Variants in NEB observed in about 807,000 individuals in gnomAD.
The protein encoded by NEB is nebulin.
A neutral mutation model predicts 952.2 loss-of-function variants in NEB; 512 were observed. The ratio of observed to expected loss-of-function variants is 0.54; its 90% CI spans 0.50 to 0.58. The LOEUF (loss-of-function observed/expected upper bound fraction) is 0.58, where lower values mean the gene tolerates loss of function less well. NEB is among the 20% of genes least tolerant of loss of function. NEB has a pLI of 0.00. For synonymous variants in NEB, 2,900 were observed against 3,149.8 expected, an observed-to-expected ratio of 0.92 and a Z score of 2.66; for missense variants, 8,428 against 9,231.1, an observed-to-expected ratio of 0.91 and a Z score of 3.56.
At chr2:151,665,624 GAA>G in intron 41 of NEB, 85 bp from the exon 42 acceptor site, 3 of 1,186,108 alleles carry the variant, frequency 2.5e-6, no homozygotes, top group Non-Finnish European at 3.4e-6. Flanking sequence ...CAATCAAAAA[GAA>G]AAAGAGAAGC....
At chr2:151,516,634 T>A in intron 156 of NEB, 71 bp from the exon 157 acceptor site, 1 of 998,626 alleles carries the variant, frequency 1.0e-6, no homozygotes, top group South Asian at 1.4e-5. Flanking sequence ...AGGATAGTAT[T>A]TTTTAATTGA....
At chr2:151,574,661 T>C (rs56002721) in intron 107 of NEB, among the ~76,000 whole-genome samples, 46,308 of 152,012 alleles carry the variant, frequency 0.3, 7,289 homozygotes, top group Admixed American at 0.42. Flanking sequence ...CATTTTAATG[T>C]AATGCTGAAT....
intron 170 of NEB, 170 bp downstream of exon 170, chr2:151,498,090 A>G: frequency 6.8e-7 from 1 of 1,472,386 alleles, no homozygotes; most frequent in Non-Finnish European, 9.0e-7. Flanking sequence ...CAGATGAAGT[A>G]AAAAATTGAC....
Position 151,684,956 on chromosome 2 carries a change from T to A in NEB, c.2657A>T (p.Tyr886Phe). 1 of 1,609,094 alleles carries A rather than the reference T, an allele frequency of 6.2e-7. No individual in the cohort carries two copies. ...NQSDREYRKD[Y>F]EKSKTIYTAP... Reference sequence around the variant, plus strand: ...CGTGTAGATAGTTTTTGACTTTTCATAATCTTTTCGATATTCGCGCTGTGA... The same window carrying A: ...CGTGTAGATAGTTTTTGACTTTTCAAAATCTTTTCGATATTCGCGCTGTGA... The change falls in exon 28 of 182, where the codon TAT becomes TTT. Residue 886 changes from tyrosine to phenylalanine, a missense_variant. By Grantham distance (22) the Tyr-to-Phe change is conservative. Transcript: ENST00000397345.
Position 151,672,698 on chromosome 2 carries a change from G to T in NEB, c.3988-18C>A. The T allele has an allele frequency of 6.3e-7, 1 of 1,593,040 alleles. No homozygotes were observed. The highest frequency in any genetic ancestry group is 1.1e-5 in the South Asian group (1 of 89,084). On this transcript the variant is annotated intron_variant, in intron 36 of 181. Coordinates refer to ENST00000397345, the MANE Select transcript of NEB (RefSeq NM_001164508.2). ...TATTTATACTGTGGAGGCAGAATTG[G>T]GTTAGCAAAGTCCTAGGCATTGATA...
intron 119 of NEB, 123 bp from the exon 120 acceptor site, chr2:151,562,931 T>G: frequency 2.6e-6 from 1 of 389,740 alleles, no homozygotes; most frequent in Non-Finnish European, 4.6e-6. Flanking sequence ...GGTTAATATA[T>G]ACTTTATTAT....
intron 133 of NEB, 139 bp downstream of exon 133, chr2:151,547,290 T>C: frequency 1.5e-6 from 1 of 658,196 alleles, no homozygotes; most frequent in Non-Finnish European, 2.6e-6. Flanking sequence ...TCCCACACTG[T>C]CTTACCTCCA....
rs754689425 is a variant in NEB, at chr2:151,723,536, A to C, written c.613-50T>G. The C allele has an allele frequency of 2.3e-6, 3 of 1,294,032 alleles. No homozygotes were observed. The South Asian group carries it at 3.8e-5, about 16-fold the overall frequency. 80.2% of individuals were successfully genotyped at this position (1,294,032 alleles called of 1,614,324 possible). A position where few individuals can be genotyped will look rare whatever the true frequency, so the allele number is the denominator to read the frequency against. ...TAGGAGGAAGTAGGGTCACGTTTAC[A>C]CAAAATACATAGTTTTGAATTCATC... On this transcript the variant is annotated intron_variant, in intron 8 of 181. Transcript: ENST00000397345.
chr2:151,697,562 C>T lies in NEB; in HGVS notation c.1239G>A (p.Leu413=). The part of the protein sequence containing the change: ...ETPKFKLDTV[L]QNFSSDKKYK... ...TGCTTACATCACTACTGAAGTTCTG[C>T]AGAACAGTATCGAGCTTGAATTTGG... Residue 413 remains leucine (L), a synonymous_variant, in exon 14 of 182, where the codon CTG becomes CTA. Coordinates refer to ENST00000397345, the MANE Select transcript of NEB (RefSeq NM_001164508.2). 6.2e-7 allele frequency: 1 copy of T among 1,612,832 alleles called. No homozygotes were observed. Among genetic ancestry groups the T allele is most frequent in the Non-Finnish European group, 8.5e-7 (1 of 1,179,548 alleles).
chr2:151,640,744 T>G lies in NEB; in HGVS notation c.8374-78A>C, dbSNP rs540856259. 556 of 1,429,420 alleles carry G rather than the reference T, an allele frequency of 3.9e-4. 1 individual carries two copies. The highest frequency in any genetic ancestry group is 4.8e-4 in the Non-Finnish European group (517 of 1,067,828). 88.5% of individuals were successfully genotyped at this position (1,429,420 alleles called of 1,614,324 possible). A position where few individuals can be genotyped will look rare whatever the true frequency, so the allele number is the denominator to read the frequency against. On this transcript the variant is annotated intron_variant, in intron 60 of 181. Coordinates refer to ENST00000397345, the MANE Select transcript of NEB (RefSeq NM_001164508.2). ...AATCACTAAGCCTAACTTGCTCTATTTATTAAAAAAAAAATTTTCCCTGAA... is the reference window on the plus strand; with the variant it reads ...AATCACTAAGCCTAACTTGCTCTATGTATTAAAAAAAAAATTTTCCCTGAA...
intron 9 of NEB, 30 bp from the exon 10 acceptor site, chr2:151,717,550 TA>T (rs1289618680): frequency 2.0e-6 from 3 of 1,464,490 alleles, no homozygotes; most frequent in Non-Finnish European, 1.9e-6. Flanking sequence ...GGATGTATTT[TA>T]AAAACGATTA....
intron 166 of NEB, 115 bp downstream of exon 166, chr2:151,503,232 AAC>A (rs1454504654): frequency 1.3e-5 from 10 of 765,660 alleles, no homozygotes; most frequent in East Asian, 7.9e-5. Context: ...AATAATACAC[AAC>A]ACACACAGAC....
At chr2:151,497,525 T>TAAG in intron 171 of NEB, 101 bp downstream of exon 171, 1 of 1,502,388 alleles carries the variant, frequency 6.7e-7, no homozygotes. Flanking sequence ...TCACAAAATT[T>TAAG]AAGTTGTCTT....
rs2099158071 is a variant in NEB at position 151,662,358 on chromosome 2, A to C, written c.5764-17T>G. 6.5e-7 allele frequency: 1 copy of C among 1,532,098 alleles called. No homozygotes were observed. The highest frequency in any genetic ancestry group is 1.3e-5 in the South Asian group (1 of 75,100). 94.9% of individuals were successfully genotyped at this position (1,532,098 alleles called of 1,614,324 possible). ...GTACTGATTCTGCAAAAGAGGAAAA[A>C]TTAAATTATGAGAAGAAACTGGAAC... is the stretch of plus-strand genomic sequence containing the variant. On this transcript the variant is annotated splice_polypyrimidine_tract_variant and intron_variant, in intron 45 of 181. Transcript: ENST00000397345.
rs1162391502 is a variant in NEB, at chr2:151,620,345, GTGTATATATATA to G, written c.10560+562_10560+573del. The stretch of plus-strand genomic sequence containing the variant: ...TTTTATTATATATATATGTATGTGT[GTGTATATATATA>G]TATATATATATATATATATATATAT... On this transcript the variant is annotated intron_variant, in intron 72 of 181. Transcript: ENST00000397345. 1.1e-3 allele frequency among the ~76,000 whole-genome samples: 94 copies of G among 87,898 alleles called. 3 individuals carry two copies. Among genetic ancestry groups the G allele is most frequent in the East Asian group, 3.5e-3 (11 of 3,124 alleles). 57.7% of individuals were successfully genotyped at this position (87,898 alleles called of 152,430 possible).
intron 133 of NEB, 116 bp downstream of exon 133, chr2:151,547,313 T>C (rs546840028): frequency 1.3e-6 from 1 of 746,300 alleles, no homozygotes; most frequent in Non-Finnish European, 2.2e-6. Context: ...TTGTACTCTT[T>C]GTTTAGAAGT....
intron 106 of NEB, 23 bp from the exon 107 acceptor site, chr2:151,575,822 T>C (rs757858979): frequency 2.1e-6 from 3 of 1,448,790 alleles, no homozygotes; most frequent in Non-Finnish European, 1.9e-6. Context: ...ACAAAAATAA[T>C]AAAATTACTT....
At chr2:151,629,198 C>A (rs1333032070) in intron 68 of NEB, among the ~76,000 whole-genome samples, 1 of 152,054 alleles carries the variant, frequency 6.6e-6, no homozygotes, top group Non-Finnish European at 1.5e-5. Flanking sequence ...TTTTTTAACA[C>A]CTCTTTTGCC....
rs1437899807 is a variant in NEB at position 151,553,504 on chromosome 2, T to G, written c.19627-2A>C. The G allele has an allele frequency of 1.3e-6, 2 of 1,598,082 alleles. No homozygotes were observed. Among genetic ancestry groups the G allele is most frequent in the African/African-American group, 2.7e-5 (2 of 74,380 alleles). The stretch of plus-strand genomic sequence containing the variant: ...GTTGAGGTCATCCTTGTATACAATC[T>G]AGAGGGTTTTGATAGAAAGGATCAG... On this transcript the variant is annotated splice_acceptor_variant, in intron 126 of 181. Transcript: ENST00000397345. LOFTEE classifies it high-confidence loss of function.
Sources: gnomAD v4.1 joint callset for allele counts (sites outside exome capture counted in the v4.1 genomes callset) on GRCh38, gnomAD v4.1.1 for gene constraint, MANE v1.5 for transcripts, NCBI Gene and HGNC (gene_info 2026-07-23, HGNC 2026-07-21) for gene names.